THSD7B: variants seen among roughly 807,000 people sequenced by gnomAD.
The protein encoded by THSD7B is thrombospondin type-1 domain-containing protein 7B.
A neutral mutation model predicts 213.6 loss-of-function variants in THSD7B; 138 were observed. That is an observed-to-expected ratio of 0.65 (90% CI 0.56 to 0.74). THSD7B has a LOEUF of 0.74. THSD7B is among the 30% of genes least tolerant of loss of function. The pLI is 0.00. For synonymous variants in THSD7B, 742 were observed against 687.0 expected (o/e 1.08, Z -1.25); for missense variants, 1,931 against 1,991.5 (o/e 0.97, Z 0.58).
At chr2:137,230,549 C>G (rs775307690) in intron 7 of THSD7B, among the ~76,000 whole-genome samples, 9 of 152,044 alleles carry the variant, frequency 5.9e-5, no homozygotes, top group Non-Finnish European at 1.3e-4. Context: ...AGATAATTTA[C>G]CACTATGAAA....
intron 7 of THSD7B, among the ~76,000 whole-genome samples, chr2:137,205,410 A>G (rs1680964388): frequency 6.6e-6 from 1 of 152,104 alleles, no homozygotes; most frequent in South Asian, 2.1e-4. Context: ...ATCACAGCTG[A>G]AAAATGTTCA....
chr2:136,961,219 C>CT (rs1685212365), intron 2 of THSD7B, among the ~76,000 whole-genome samples: 2 of 101,568 alleles, frequency 2.0e-5, no homozygotes, highest in Admixed American at 2.3e-4. Context: ...ATGTATTTTT[C>CT]TTTTCTTTTT....
At chr2:137,017,960 G>C (rs187042131) in intron 2 of THSD7B, among the ~76,000 whole-genome samples, 1 of 151,606 alleles carries the variant, frequency 6.6e-6, no homozygotes, top group East Asian at 1.9e-4. Context: ...CTGTGAGGCC[G>C]AGGGAAAGAC....
intron 15 of THSD7B, among the ~76,000 whole-genome samples, chr2:137,471,714 G>A (rs12052575): frequency 0.01 from 1,579 of 152,066 alleles, 23 homozygotes; most frequent in African/African-American, 0.035. Flanking sequence ...GAGAACTTTG[G>A]GGTCCAGGGC....
At chr2:137,395,600 TCA>T (rs1231046609) in intron 12 of THSD7B, among the ~76,000 whole-genome samples, 2 of 152,214 alleles carry the variant, frequency 1.3e-5, no homozygotes, top group East Asian at 3.9e-4. Flanking sequence ...TCAATGTTCT[TCA>T]AGGATATTGG....
intron 12 of THSD7B, among the ~76,000 whole-genome samples, chr2:137,396,622 G>A (rs1001452690): frequency 7.2e-6 from 1 of 139,110 alleles, no homozygotes; most frequent in African/African-American, 2.7e-5. Context: ...GTGTGGTGCT[G>A]AAAAAAATGT....
Position 137,036,204 on chromosome 2 carries a change from T to C in THSD7B, c.140-20216T>C, listed in dbSNP as rs968801863. Among the ~76,000 whole-genome samples the C allele has an allele frequency of 3.3e-5, 5 of 152,200 alleles. No homozygotes were observed. In the South Asian group the frequency reaches 1.0e-3, roughly 32 times the overall value. ...TCACTCTTCATATCAAAACATTCCATAGAACTACCTTACAGTTTCTTTCTT... is the reference window on the plus strand; with the variant it reads ...TCACTCTTCATATCAAAACATTCCACAGAACTACCTTACAGTTTCTTTCTT... On this transcript the variant is annotated intron_variant, in intron 2 of 27. Transcript: ENST00000409968.
chr2:137,291,516 C>T (rs1288525768), intron 12 of THSD7B, among the ~76,000 whole-genome samples: 1 of 151,974 alleles, frequency 6.6e-6, no homozygotes, highest in African/African-American at 2.4e-5. Flanking sequence ...GGCAAAAATA[C>T]AATGAACAAA....
At chr2:137,673,967 C>CTAT (rs1177027889) in intron 27 of THSD7B, among the ~76,000 whole-genome samples, 2 of 152,184 alleles carry the variant, frequency 1.3e-5, no homozygotes, top group African/African-American at 4.8e-5. Flanking sequence ...CAAGGCCTAC[C>CTAT]TATTAGTAGC....
intron 1 of THSD7B, among the ~76,000 whole-genome samples, chr2:136,851,847 C>T (rs1683103238): frequency 6.6e-6 from 1 of 151,908 alleles, no homozygotes; most frequent in African/African-American, 2.4e-5. Context: ...AATATCCTGC[C>T]ATTGTGGGAG....
At chr2:137,271,762 A>G (rs1682744437) in intron 10 of THSD7B, among the ~76,000 whole-genome samples, 1 of 152,018 alleles carries the variant, frequency 6.6e-6, no homozygotes, top group Non-Finnish European at 1.5e-5. Flanking sequence ...TTACAGTGCA[A>G]ATAGTCTATC....
intron 1 of THSD7B, among the ~76,000 whole-genome samples, chr2:136,836,314 G>A (rs1011106708): frequency 6.6e-6 from 1 of 152,124 alleles, no homozygotes; most frequent in Non-Finnish European, 1.5e-5. Context: ...TGGTCTCTTT[G>A]TTTCAGATGG....
At chr2:137,628,781 TG>T (rs1404530102) in intron 20 of THSD7B, among the ~76,000 whole-genome samples, 1 of 152,196 alleles carries the variant, frequency 6.6e-6, no homozygotes, top group Admixed American at 6.5e-5. Context: ...ATCTCACCTG[TG>T]CTGCCCCACT....
intron 17 of THSD7B, among the ~76,000 whole-genome samples, chr2:137,608,486 C>T (rs976707853): frequency 6.6e-6 from 1 of 151,982 alleles, no homozygotes; most frequent in African/African-American, 2.4e-5. Context: ...GCTTAGATAT[C>T]TACTATAAAC....
chr2:136,803,595 G>A lies in THSD7B; in HGVS notation c.-36+37908G>A, dbSNP rs546333202. Among the ~76,000 whole-genome samples, 39 of 152,182 alleles carry A rather than the reference G, an allele frequency of 2.6e-4. No homozygotes were observed. In the Middle Eastern group the frequency reaches 0.01, roughly 40 times the overall value. Reference sequence around the variant, plus strand: ...TAGATTATATATTTGTATTAATCAAGGTTCTTCAGAAAAACAGAACCAATA... The same window carrying A: ...TAGATTATATATTTGTATTAATCAAAGTTCTTCAGAAAAACAGAACCAATA... On this transcript the variant is annotated intron_variant, in intron 1 of 27. Transcript: ENST00000409968.
Position 137,655,623 on chromosome 2 carries a change from C to G in THSD7B, c.4068C>G (p.Asp1356Glu), listed in dbSNP as rs747826307. 1 of 1,613,170 alleles carries G rather than the reference C, an allele frequency of 6.2e-7. No homozygotes were observed. Among genetic ancestry groups the G allele is most frequent in the Admixed American group, 1.7e-5 (1 of 59,916 alleles). ...TGTGTGGAGAAATGCCCTTTCAGGA[C>G]AGCATCCTGAAGCAGCTGTGTTCTG... The part of the protein sequence containing the change: ...DALCGEMPFQ[D>E]SILKQLCSVP... Residue 1356 changes from aspartate (D) to glutamate (E), a missense_variant, in exon 22 of 28, where the codon GAC becomes GAG. Asp to Glu is a conservative substitution (Grantham distance 45). Transcript: ENST00000409968.
At chr2:137,360,997 G>A (rs1269401461) in intron 12 of THSD7B, among the ~76,000 whole-genome samples, 1 of 152,162 alleles carries the variant, frequency 6.6e-6, no homozygotes, top group Non-Finnish European at 1.5e-5. Context: ...CCTCTAAGAT[G>A]AAGTTTCCAG....
intron 2 of THSD7B, among the ~76,000 whole-genome samples, chr2:136,983,358 G>GACACACACACACACACACACACAC (rs778968995): frequency 0.036 from 3,754 of 105,012 alleles, 171 homozygotes; most frequent in Middle Eastern, 0.098. Flanking sequence ...CAGACACACA[G>GACACACACACACACACACACACAC]ACACACACAC....
chr2:136,963,370 CG>C (rs1685258743), intron 2 of THSD7B, among the ~76,000 whole-genome samples: 1 of 152,006 alleles, frequency 6.6e-6, no homozygotes, highest in African/African-American at 2.4e-5. Context: ...AAGGAAAGAA[CG>C]GGGCTGAATA....
Sources: allele counts gnomAD v4.1 joint callset (sites outside exome capture counted in the v4.1 genomes callset), GRCh38; gene constraint gnomAD v4.1.1; transcripts MANE v1.5; gene names NCBI Gene and HGNC (gene_info 2026-07-23, HGNC 2026-07-21).